GRIA4: variants seen among roughly 807,000 people sequenced by gnomAD.
GRIA4 encodes glutamate receptor 4.
In GRIA4, 34 loss-of-function variants were observed where a neutral mutation model predicts 104.0. The observed-to-expected ratio is 0.33, with a 90% confidence interval of 0.25 to 0.44. GRIA4 has a LOEUF of 0.44. Among genes scored for constraint, GRIA4 ranks in the 20% least tolerant of loss-of-function variants. GRIA4 has a pLI of 1.00. For missense variants in GRIA4, 750 were observed against 1,096.5 expected (o/e 0.68, Z 4.46); for synonymous variants, 386 against 381.9 (o/e 1.01, Z -0.13).
chr11:105,820,420 T>C (rs1308857894), intron 4 of GRIA4, among the ~76,000 whole-genome samples: 5 of 152,148 alleles, frequency 3.3e-5, no homozygotes, highest in African/African-American at 1.2e-4. Context: ...ATGCCAGTCA[T>C]GGACCCTCTT....
intron 15 of GRIA4, 83 bp from the exon 16 acceptor site, chr11:105,974,227 T>C (rs868644275): frequency 7.3e-6 from 10 of 1,366,458 alleles, no homozygotes; most frequent in African/African-American, 5.8e-5. Context: ...TTTACTTTCA[T>C]TGGCTTTTTG....
chr11:105,927,491 A>G (rs1444456099), intron 13 of GRIA4, among the ~76,000 whole-genome samples: 2 of 152,056 alleles, frequency 1.3e-5, no homozygotes, highest in Admixed American at 6.6e-5. Flanking sequence ...TCTCTAGGAC[A>G]TTGTATGGCA....
At chr11:105,629,442 T>C (rs1277179595) in intron 3 of GRIA4, among the ~76,000 whole-genome samples, 1 of 151,958 alleles carries the variant, frequency 6.6e-6, no homozygotes, top group Non-Finnish European at 1.5e-5. Flanking sequence ...TTTTAACATA[T>C]GGGAAATATG....
chr11:105,779,521 T>C (rs939382020), intron 4 of GRIA4, among the ~76,000 whole-genome samples: 2 of 152,220 alleles, frequency 1.3e-5, no homozygotes, highest in Admixed American at 6.5e-5. Context: ...TTTGGTTTTT[T>C]GTTCTTGCGA....
At chr11:105,657,641 A>G (rs1410655680) in intron 3 of GRIA4, among the ~76,000 whole-genome samples, 2 of 151,920 alleles carry the variant, frequency 1.3e-5, no homozygotes, top group Admixed American at 6.6e-5. Context: ...AGTCTAAAGT[A>G]TCTTTCCCAA....
intron 10 of GRIA4, chr11:105,911,727 T>C (rs183736532): frequency 2.1e-4 from 35 of 167,056 alleles, no homozygotes; most frequent in Non-Finnish European, 4.0e-4. Context: ...AGTTTTTGCG[T>C]AAACTTTCTA....
chr11:105,929,737 T>C (rs996391082), intron 13 of GRIA4, among the ~76,000 whole-genome samples: 1 of 152,082 alleles, frequency 6.6e-6, no homozygotes. Flanking sequence ...AAGGGGAAAA[T>C]AATTCACCGG....
chr11:105,756,624 GA>G (rs199560316), intron 4 of GRIA4, among the ~76,000 whole-genome samples: 21,699 of 140,554 alleles, frequency 0.15, 1,699 homozygotes, highest in Admixed American at 0.24. Flanking sequence ...TAATAACTCA[GA>G]AAAAAAAAAA....
chr11:105,853,554 C>T (rs142967867), intron 4 of GRIA4, among the ~76,000 whole-genome samples: 23 of 152,190 alleles, frequency 1.5e-4, no homozygotes, highest in South Asian at 6.2e-4. Context: ...CAGCTCATTC[C>T]GATGTCAGTA....
At chr11:105,839,415 A>G (rs1405805978) in intron 4 of GRIA4, among the ~76,000 whole-genome samples, 1 of 147,390 alleles carries the variant, frequency 6.8e-6, no homozygotes, top group Non-Finnish European at 1.5e-5. Flanking sequence ...TATTCTCTCA[A>G]TTCTCATTTC....
intron 14 of GRIA4, among the ~76,000 whole-genome samples, chr11:105,957,514 C>G (rs1461546522): frequency 6.6e-6 from 1 of 152,114 alleles, no homozygotes; most frequent in Non-Finnish European, 1.5e-5. Flanking sequence ...GTTACTGTAG[C>G]CTTGTAGTAT....
At chr11:105,888,142 C>A (rs1275206664) in intron 6 of GRIA4, among the ~76,000 whole-genome samples, 1 of 152,128 alleles carries the variant, frequency 6.6e-6, no homozygotes, top group East Asian at 1.9e-4. Flanking sequence ...GTCTTGTTAA[C>A]CATGTAGTGT....
chr11:105,932,560 A>G (rs766705205), intron 13 of GRIA4, among the ~76,000 whole-genome samples: 1 of 152,152 alleles, frequency 6.6e-6, no homozygotes, highest in Admixed American at 6.6e-5. Context: ...AAGAAAAAGG[A>G]CCTGGGTAAA....
In GRIA4 at chr11:105,898,284, T is replaced by A. The variant is rs775940530; in HGVS notation, c.742T>A (p.Ser248Thr). ...ATTTTTATAGGGATTCAAGGATATT[T>A]CTCTTGAGAGGTTTATACATGGTGG... ...IIANLGFKDISLERFIHGGAN... is the reference protein window; with the variant it reads ...IIANLGFKDITLERFIHGGAN... Residue 248 changes from serine (S) to threonine (T), a missense_variant, in exon 7 of 17, where the codon TCT becomes ACT. Ser to Thr is a moderately conservative substitution (Grantham distance 58). Around this residue, in one of 3 missense-constraint regions of GRIA4, gnomAD observed 410 missense variants for 502.7 expected, o/e 0.82. Transcript: ENST00000282499. 9 of 1,549,382 alleles carry A rather than the reference T, an allele frequency of 5.8e-6. No individual in the cohort carries two copies. The highest frequency in any genetic ancestry group is 6.2e-6 in the Non-Finnish European group (7 of 1,124,698).
At chr11:105,688,557 C>T (rs556959965) in intron 3 of GRIA4, among the ~76,000 whole-genome samples, 2 of 151,444 alleles carry the variant, frequency 1.3e-5, no homozygotes, top group Non-Finnish European at 2.9e-5. Flanking sequence ...AGTGAGACTC[C>T]GTCTCAAAAA....
In GRIA4 at chr11:105,798,034, A is replaced by G. The variant is rs368851273; in HGVS notation, c.487+44814A>G. The stretch of plus-strand genomic sequence containing the variant: ...GAACTATCCTAGATTCAGCAATAAT[A>G]ACACTACTAAAATCAATAACAATAT... On this transcript the variant is annotated intron_variant, in intron 4 of 16. Coordinates refer to ENST00000282499, the MANE Select transcript of GRIA4 (RefSeq NM_000829.4). The G allele has an allele frequency of 4.9e-5, 16 of 323,734 alleles. No individual in the cohort carries two copies. The East Asian group carries it at 8.1e-4, about 16-fold the overall frequency. The allele number at this position is 323,734 out of a possible 1,614,324, so 20.1% of individuals were successfully genotyped here. A position where few individuals can be genotyped will look rare whatever the true frequency, so the allele number is the denominator to read the frequency against.
chr11:105,753,689 A>T (rs948043588), intron 4 of GRIA4, among the ~76,000 whole-genome samples: 1 of 152,164 alleles, frequency 6.6e-6, no homozygotes, highest in African/African-American at 2.4e-5. Context: ...AAGACTGAAC[A>T]TCACTTTGGA....
chr11:105,633,839 C>A (rs1411033407), intron 3 of GRIA4, among the ~76,000 whole-genome samples: 1 of 152,078 alleles, frequency 6.6e-6, no homozygotes, highest in Non-Finnish European at 1.5e-5. Flanking sequence ...CCTAATGGAG[C>A]CTCAAAACGA....
intron 4 of GRIA4, among the ~76,000 whole-genome samples, chr11:105,809,039 G>C (rs1272636892): frequency 6.6e-6 from 1 of 151,878 alleles, no homozygotes; most frequent in Non-Finnish European, 1.5e-5. Context: ...TGTTAATAGT[G>C]GTTCATTAAT....
Sources: allele counts gnomAD v4.1 joint callset (sites outside exome capture counted in the v4.1 genomes callset), GRCh38; gene constraint gnomAD v4.1.1; regional missense constraint gnomAD v4.1.1; transcripts MANE v1.5; gene names NCBI Gene and HGNC (gene_info 2026-07-23, HGNC 2026-07-21).